Variants in ADAMTSL1 observed in about 807,000 individuals in gnomAD.
ADAMTSL1 encodes the protein ADAMTS like 1, also known as ADAMTS-like protein 1.
ADAMTSL1 carries 126 observed loss-of-function variants against 201.8 expected under a neutral mutation model. The ratio of observed to expected loss-of-function variants is 0.62; its 90% CI spans 0.54 to 0.72. The LOEUF (loss-of-function observed/expected upper bound fraction) is 0.72. Ranked by LOEUF, ADAMTSL1 falls within the 30% of genes least tolerant of loss-of-function variation. The pLI, the probability that ADAMTSL1 is intolerant of heterozygous loss-of-function variation, is 0.00. For synonymous variants in ADAMTSL1, 1,121 were observed against 903.4 expected, an observed-to-expected ratio of 1.24 and a Z score of -4.32; for missense variants, 2,679 against 2,277.8, an observed-to-expected ratio of 1.18 and a Z score of -3.59.
rs758527564 is a variant in ADAMTSL1 at position 18,770,755 on chromosome 9, G to A, written c.2371G>A (p.Glu791Lys). 23 of 1,613,824 alleles carry A rather than the reference G, an allele frequency of 1.4e-5. No individual in the cohort carries two copies. The highest frequency in any genetic ancestry group is 1.7e-5 in the Non-Finnish European group (20 of 1,179,864). Residue 791 changes from glutamate (E) to lysine (K), a missense_variant, in exon 17 of 29, where the codon GAG becomes AAG. Transcript: ENST00000380548. ...QACKKDDCPSEWLLSDWTECS... is the reference protein window; with the variant it reads ...QACKKDDCPSKWLLSDWTECS... ...ATGCAAGAAAGATGACTGTCCCAGC[G>A]AGTGGCTTCTCTCAGACTGGACAGA...
chr9:17,995,043 C>T (rs1819315491), intron 1 of ADAMTSL1, among the ~76,000 whole-genome samples: 1 of 152,246 alleles, frequency 6.6e-6, no homozygotes, highest in Non-Finnish European at 1.5e-5. Context: ...ACAGTCAGAA[C>T]GTGTGGCTTA....
chr9:18,845,294 G>C (rs1314057147), intron 23 of ADAMTSL1, among the ~76,000 whole-genome samples: 1 of 152,240 alleles, frequency 6.6e-6, no homozygotes, highest in African/African-American at 2.4e-5. Flanking sequence ...AAAGCAAACA[G>C]CACCAGCCTT....
At chr9:18,110,166 G>A (rs933815144) in intron 1 of ADAMTSL1, among the ~76,000 whole-genome samples, 5 of 152,144 alleles carry the variant, frequency 3.3e-5, no homozygotes, top group Non-Finnish European at 7.4e-5. Flanking sequence ...TCTCTTGGGT[G>A]CCTGAGGGCT....
At chr9:18,766,488 G>C (rs979845323) in intron 16 of ADAMTSL1, among the ~76,000 whole-genome samples, 1 of 152,314 alleles carries the variant, frequency 6.6e-6, no homozygotes, top group Non-Finnish European at 1.5e-5. Flanking sequence ...GATCACATTT[G>C]AGTGTATCAT....
chr9:18,906,973 C>A, intron 28 of ADAMTSL1, 61 bp downstream of exon 28: 1 of 1,587,316 alleles, frequency 6.3e-7, no homozygotes. Flanking sequence ...GTGCAGAGAG[C>A]AGTCCCTGGG....
intron 2 of ADAMTSL1, among the ~76,000 whole-genome samples, chr9:18,287,605 G>A (rs1051234567): frequency 2.2e-5 from 3 of 134,468 alleles, no homozygotes; most frequent in Non-Finnish European, 3.1e-5. Flanking sequence ...ACACATATAT[G>A]CATATATGTA....
At chr9:18,250,781 C>T (rs572194829) in intron 2 of ADAMTSL1, among the ~76,000 whole-genome samples, 3 of 152,170 alleles carry the variant, frequency 2.0e-5, no homozygotes, top group Non-Finnish European at 2.9e-5. Context: ...GCTCCATGTT[C>T]GAGGCTCCTC....
chr9:18,792,991 G>A (rs1479919363), intron 19 of ADAMTSL1, among the ~76,000 whole-genome samples: 1 of 152,244 alleles, frequency 6.6e-6, no homozygotes, highest in Non-Finnish European at 1.5e-5. Context: ...CTCAGTGAAT[G>A]TATGGGTGGA....
chr9:18,536,864 A>G (rs924626628), intron 3 of ADAMTSL1, among the ~76,000 whole-genome samples: 1 of 152,100 alleles, frequency 6.6e-6, no homozygotes, highest in Non-Finnish European at 1.5e-5. Context: ...TCAAATTTGA[A>G]CCCCTTGAAC....
intron 4 of ADAMTSL1, among the ~76,000 whole-genome samples, chr9:18,594,441 C>G (rs1587665873): frequency 6.6e-6 from 1 of 152,170 alleles, no homozygotes; most frequent in African/African-American, 2.4e-5. Flanking sequence ...TCAGTTCCCT[C>G]TTTAACACCA....
At chr9:18,376,676 C>T (rs573796120) in intron 2 of ADAMTSL1, among the ~76,000 whole-genome samples, 1 of 152,050 alleles carries the variant, frequency 6.6e-6, no homozygotes, top group African/African-American at 2.4e-5. Context: ...CATGGTGGAA[C>T]CCACCTGTAA....
chr9:18,212,567 G>C (rs1829918400), intron 2 of ADAMTSL1, among the ~76,000 whole-genome samples: 1 of 152,146 alleles, frequency 6.6e-6, no homozygotes, highest in South Asian at 2.1e-4. Context: ...TTTAAAAGTT[G>C]TTGTTGTAAT....
At chr9:18,730,837 T>A (rs566570880) in intron 15 of ADAMTSL1, among the ~76,000 whole-genome samples, 1 of 152,222 alleles carries the variant, frequency 6.6e-6, no homozygotes, top group South Asian at 2.1e-4. Flanking sequence ...TGTAACTTAC[T>A]GCTATTGACT....
intron 13 of ADAMTSL1, among the ~76,000 whole-genome samples, chr9:18,686,464 G>C (rs987957205): frequency 2.0e-5 from 3 of 152,178 alleles, no homozygotes; most frequent in African/African-American, 7.2e-5. Flanking sequence ...TGTTGCTGAG[G>C]AGTAAATAAG....
chr9:18,348,839 ATATAAAATGTG>A (rs1835839475), intron 2 of ADAMTSL1, among the ~76,000 whole-genome samples: 1 of 152,204 alleles, frequency 6.6e-6, no homozygotes, highest in Non-Finnish European at 1.5e-5. Context: ...TTTTATAGTG[ATATAAAATGTG>A]TATTATTACA....
chr9:18,802,583 C>A (rs561216780), intron 20 of ADAMTSL1, among the ~76,000 whole-genome samples: 4 of 152,270 alleles, frequency 2.6e-5, no homozygotes, highest in African/African-American at 9.6e-5. Flanking sequence ...ATAGAATAGA[C>A]CACATTTTAT....
chr9:18,669,618 G>A (rs1351999921), intron 9 of ADAMTSL1, among the ~76,000 whole-genome samples: 2 of 151,984 alleles, frequency 1.3e-5, no homozygotes, highest in African/African-American at 2.4e-5. Context: ...TAAATGTTAG[G>A]GAAACTCTCT....
At chr9:18,541,992 G>C (rs1820179853) in intron 3 of ADAMTSL1, among the ~76,000 whole-genome samples, 1 of 152,178 alleles carries the variant, frequency 6.6e-6, no homozygotes, top group South Asian at 2.1e-4. Flanking sequence ...ATAATCCCCA[G>C]AATGAAATGT....
chr9:18,655,697 C>G (rs1035765614), intron 7 of ADAMTSL1, among the ~76,000 whole-genome samples: 5 of 149,576 alleles, frequency 3.3e-5, no homozygotes, highest in Non-Finnish European at 7.4e-5. Flanking sequence ...AACAAATGCT[C>G]TGGTCTTTTA....
Sources: gnomAD v4.1 joint callset for allele counts (sites outside exome capture counted in the v4.1 genomes callset) on GRCh38, gnomAD v4.1.1 for gene constraint, MANE v1.5 for transcripts, NCBI Gene and HGNC (gene_info 2026-07-23, HGNC 2026-07-21) for gene names.